LRRC9: variants seen among roughly 807,000 people sequenced by gnomAD.
LRRC9 encodes the protein leucine rich repeat containing 9.
LRRC9 carries 122 observed loss-of-function variants against 63.2 expected under a neutral mutation model. The ratio of observed to expected loss-of-function variants is 1.93; its 90% CI spans 1.67 to 2.24. The LOEUF is 2.24. Among genes scored for constraint, LRRC9 ranks in the 30% most tolerant of loss-of-function variants. The pLI is 0.00. For synonymous variants in LRRC9, 366 were observed against 213.1 expected (o/e 1.72, Z -6.25); for missense variants, 1,071 against 627.7 (o/e 1.71, Z -7.55).
chr14:60,000,058 G>A (rs1889203507), intron 19 of LRRC9, among the ~76,000 whole-genome samples: 1 of 152,042 alleles, frequency 6.6e-6, no homozygotes, highest in African/African-American at 2.4e-5. Context: ...CCCATCAGTG[G>A]TGGACTGGAT....
intron 29 of LRRC9, among the ~76,000 whole-genome samples, chr14:60,043,756 C>CTTTTTTTTTTTT (rs368065898): frequency 1.4e-4 from 10 of 71,550 alleles, no homozygotes; most frequent in East Asian, 9.2e-4. Context: ...TTTTCTTTTC[C>CTTTTTTTTTTTT]TTTTTTTTTT....
intron 8 of LRRC9, among the ~76,000 whole-genome samples, chr14:59,954,415 T>C (rs1218040042): frequency 6.6e-6 from 1 of 152,206 alleles, no homozygotes; most frequent in East Asian, 1.9e-4. Context: ...TTATTCTCTT[T>C]CTAGCAATTG....
chr14:59,948,050 C>T (rs1431186050), intron 8 of LRRC9, among the ~76,000 whole-genome samples: 4 of 139,388 alleles, frequency 2.9e-5, no homozygotes, highest in Non-Finnish European at 4.6e-5. Context: ...TGAAGAAAGT[C>T]ATTGGTAGCT....
At position 59,923,376 on chromosome 14, in the gene LRRC9, C is replaced by T. The variant is rs1888940483; in HGVS notation, c.-34+3493C>T. Among the ~76,000 whole-genome samples, 1 of 152,128 alleles carries T rather than the reference C, an allele frequency of 6.6e-6. No homozygotes were observed. The highest frequency in any genetic ancestry group is 2.1e-4 in the South Asian group (1 of 4,822). On this transcript the variant is annotated intron_variant, in intron 1 of 31. Coordinates refer to ENST00000445360, the Ensembl canonical transcript of LRRC9. This position sits in a 1 kb window ranked among gnomAD's most constrained non-coding sequence, Gnocchi z 4.2. The stretch of plus-strand genomic sequence containing the variant: ...AGGTAAGATTTGTATCCCAAATAGG[C>T]ATATTTTTCTTCCAAGGAAAAGTAG...
At position 60,009,266 on chromosome 14, in the gene LRRC9, C is replaced by A. The variant is rs1045556347; in HGVS notation, c.3186+1052C>A. Among the ~76,000 whole-genome samples, 5 of 152,164 alleles carry A rather than the reference C, an allele frequency of 3.3e-5. No individual in the cohort carries two copies. In the East Asian group the frequency reaches 9.6e-4, roughly 29 times the overall value. ...TAATAAAGACATACCCAAGACTGGG[C>A]AATTTATAAAGGAAAGAGGTTTAAT... is the stretch of plus-strand genomic sequence containing the variant. On this transcript the variant is annotated intron_variant, in intron 23 of 31. Coordinates refer to ENST00000445360, the Ensembl canonical transcript of LRRC9.
chr14:59,950,106 C>A (rs1349607432), intron 8 of LRRC9, among the ~76,000 whole-genome samples: 1 of 6,644 alleles, frequency 1.5e-4, no homozygotes, highest in Non-Finnish European at 2.6e-4. Flanking sequence ...GTGTTAAAGT[C>A]TCCCATTATT....
intron 12 of LRRC9, among the ~76,000 whole-genome samples, chr14:59,971,940 T>C (rs1035755107): frequency 1.3e-5 from 2 of 152,148 alleles, no homozygotes; most frequent in East Asian, 3.9e-4. Context: ...ATTTTCATAG[T>C]GCACATTGCA....
rs1005178056 is a variant in LRRC9 at position 60,017,615 on chromosome 14, G to A, written c.3318-756G>A. 2.0e-5 allele frequency among the ~76,000 whole-genome samples: 3 copies of A among 151,970 alleles called. No individual in the cohort carries two copies. The highest frequency in any genetic ancestry group is 7.2e-5 in the African/African-American group (3 of 41,390). On this transcript the variant is annotated intron_variant, in intron 24 of 31. Coordinates refer to ENST00000445360, the Ensembl canonical transcript of LRRC9. This position sits in a 1 kb window ranked among gnomAD's most constrained non-coding sequence, Gnocchi z 4.0. ...AAACATTTCTTTCATCTTTCTTGTA[G>A]CCTTTCCAAACACATCCGCTGCACT...
chr14:60,006,167 G>A (rs1413206719), intron 21 of LRRC9, among the ~76,000 whole-genome samples: 1 of 151,982 alleles, frequency 6.6e-6, no homozygotes, highest in African/African-American at 2.4e-5. Flanking sequence ...CTAAGAAGAA[G>A]GAATCTACTT....
At chr14:59,971,497 T>C (rs1209357161) in intron 12 of LRRC9, among the ~76,000 whole-genome samples, 1 of 152,168 alleles carries the variant, frequency 6.6e-6, no homozygotes, top group Non-Finnish European at 1.5e-5. Flanking sequence ...AGGAATAGCA[T>C]TGACTTTATA....
At chr14:60,035,652 A>G (rs754708688) in intron 29 of LRRC9, among the ~76,000 whole-genome samples, 42 of 152,112 alleles carry the variant, frequency 2.8e-4, no homozygotes, top group Admixed American at 6.6e-4. Flanking sequence ...TTGACTGTAA[A>G]TGCATGGATT....
At chr14:59,997,724 G>A (rs1489895392) in exon 18 of LRRC9, 2 of 702,648 alleles carry the variant, frequency 2.8e-6, no homozygotes, top group East Asian at 5.4e-5. Context: ...GAGGTCTGAT[G>A]AAACTGAAGC....
chr14:60,039,028 G>GT (rs1892698732), intron 29 of LRRC9, among the ~76,000 whole-genome samples: 2 of 152,292 alleles, frequency 1.3e-5, no homozygotes, highest in Admixed American at 1.3e-4. Flanking sequence ...TAATCATGTA[G>GT]TTTTTGTCCT....
At chr14:59,967,047 C>T in intron 11 of LRRC9, 49 bp from the exon 12 acceptor site, 1 of 581,148 alleles carries the variant, frequency 1.7e-6, no homozygotes, top group East Asian at 2.8e-5. Context: ...TATGGCTAAG[C>T]TTTTGTGAAA....
rs1893020154 is a variant in LRRC9 at position 60,042,302 on chromosome 14, C to T, written c.3990+10239C>T. 6.6e-6 allele frequency among the ~76,000 whole-genome samples: 1 copy of T among 152,202 alleles called. No individual in the cohort carries two copies. The highest frequency in any genetic ancestry group is 6.5e-5 in the Admixed American group (1 of 15,286). Reference sequence around the variant, plus strand: ...TGTCAGATAGGGACGTTTAAGTCTGCAGAAGTTTCTGCTGCCTGTTGTTCA... The same window carrying T: ...TGTCAGATAGGGACGTTTAAGTCTGTAGAAGTTTCTGCTGCCTGTTGTTCA... On this transcript the variant is annotated intron_variant, in intron 29 of 31. Transcript: ENST00000445360. This position sits in a 1 kb window ranked among gnomAD's most constrained non-coding sequence, Gnocchi z 4.2.
rs888377159 is a variant in LRRC9, at chr14:59,942,109, C to T, written c.727-2480C>T. On this transcript the variant is annotated intron_variant, in intron 7 of 31. Coordinates refer to ENST00000445360, the Ensembl canonical transcript of LRRC9. This position sits in a 1 kb window ranked among gnomAD's most constrained non-coding sequence, Gnocchi z 5.3. ...TTATTTCGCTTAACATAATGTCCTC[C>T]AGGCTCAACCATGTTGCCACAAATG... 4.6e-5 allele frequency among the ~76,000 whole-genome samples: 7 copies of T among 152,154 alleles called. No homozygotes were observed. Among genetic ancestry groups the T allele is most frequent in the Non-Finnish European group, 8.8e-5 (6 of 68,032 alleles).
intron 8 of LRRC9, among the ~76,000 whole-genome samples, chr14:59,953,106 C>G (rs999529361): frequency 6.6e-6 from 1 of 152,194 alleles, no homozygotes; most frequent in Non-Finnish European, 1.5e-5. Context: ...GTAAATAGTG[C>G]TGCAATAAAC....
intron 13 of LRRC9, among the ~76,000 whole-genome samples, chr14:59,975,316 A>C (rs1886153726): frequency 6.6e-6 from 1 of 151,398 alleles, no homozygotes; most frequent in Admixed American, 6.6e-5. Context: ...TAAGATGATA[A>C]GAAAACCTGG....
rs188253777 is a variant in LRRC9, at chr14:60,039,694, T to C, written c.3990+7631T>C. Among the ~76,000 whole-genome samples, 31 of 152,328 alleles carry C rather than the reference T, an allele frequency of 2.0e-4. No homozygotes were observed. In the East Asian group the frequency reaches 5.8e-3, roughly 28 times the overall value. The stretch of plus-strand genomic sequence containing the variant: ...TCTTGCTAGTGGCCTATCAGTTTTG[T>C]TGATCTTTTGAAAAAACAGCTCCTG... On this transcript the variant is annotated intron_variant, in intron 29 of 31. Transcript: ENST00000445360.
Sources: allele counts gnomAD v4.1 joint callset (sites outside exome capture counted in the v4.1 genomes callset), GRCh38; gene constraint gnomAD v4.1.1; non-coding constraint Gnocchi (gnomAD v3.1); transcripts MANE v1.5; gene names NCBI Gene and HGNC (gene_info 2026-07-23, HGNC 2026-07-21).